The following ZNF804A variants were observed in gnomAD, a reference collection of about 807,000 sequenced individuals.
The protein encoded by ZNF804A is zinc finger protein 804A.
A neutral mutation model predicts 16.5 loss-of-function variants in ZNF804A; 2 were observed. That is an observed-to-expected ratio of 0.12 (90% CI 0.05 to 0.38). ZNF804A has a LOEUF of 0.38. ZNF804A is among the 10% of genes least tolerant of loss of function. The pLI, the probability that ZNF804A is intolerant of heterozygous loss-of-function variation, is 0.99. For synonymous variants in ZNF804A, 534 were observed against 489.6 expected, an observed-to-expected ratio of 1.09 and a Z score of -1.20; for missense variants, 1,473 against 1,390.7, an observed-to-expected ratio of 1.06 and a Z score of -0.94.
chr2:184,730,847 CTT>C (rs35119389), intron 1 of ZNF804A, among the ~76,000 whole-genome samples: 1 of 145,456 alleles, frequency 6.9e-6, no homozygotes. Context: ...CAATTTGCAG[CTT>C]TTTTTTTTTT....
At chr2:184,622,173 A>G (rs144752171) in intron 1 of ZNF804A, among the ~76,000 whole-genome samples, 9 of 151,954 alleles carry the variant, frequency 5.9e-5, no homozygotes, top group Non-Finnish European at 1.2e-4. Flanking sequence ...CGTCAAGTTC[A>G]TTGAAAGGGT....
intron 1 of ZNF804A, among the ~76,000 whole-genome samples, chr2:184,752,348 G>T (rs764547076): frequency 6.6e-6 from 1 of 151,526 alleles, no homozygotes; most frequent in Admixed American, 6.6e-5. Flanking sequence ...TGGAGCTGAA[G>T]GTCATTATCC....
intron 1 of ZNF804A, among the ~76,000 whole-genome samples, chr2:184,628,978 T>C (rs541130532): frequency 6.6e-6 from 1 of 152,284 alleles, no homozygotes; most frequent in African/African-American, 2.4e-5. Context: ...GATTATAATT[T>C]TTCCTTATAC....
At chr2:184,629,436 G>A (rs986069430) in intron 1 of ZNF804A, among the ~76,000 whole-genome samples, 1 of 151,908 alleles carries the variant, frequency 6.6e-6, no homozygotes, top group African/African-American at 2.4e-5. Flanking sequence ...GAAGAAGTAG[G>A]GAGAGTTTCT....
chr2:184,643,050 T>A (rs1302810733), intron 1 of ZNF804A, among the ~76,000 whole-genome samples: 1 of 152,086 alleles, frequency 6.6e-6, no homozygotes. Context: ...AAAATCTGGA[T>A]GAAAAATTGT....
chr2:184,885,526 T>C (rs187372030), intron 2 of ZNF804A, among the ~76,000 whole-genome samples: 56 of 152,272 alleles, frequency 3.7e-4, no homozygotes, highest in Non-Finnish European at 7.5e-4. Context: ...GATGAGATCA[T>C]GGTGTTTGCA....
chr2:184,653,666 C>T (rs975440252), intron 1 of ZNF804A, among the ~76,000 whole-genome samples: 2 of 152,164 alleles, frequency 1.3e-5, no homozygotes, highest in African/African-American at 4.8e-5. Context: ...GGGTGGGCTG[C>T]CCACATGCAT....
intron 1 of ZNF804A, among the ~76,000 whole-genome samples, chr2:184,811,577 G>A (rs905574390): frequency 1.1e-4 from 17 of 152,052 alleles, no homozygotes; most frequent in Non-Finnish European, 2.4e-4. Context: ...GCCAGGTGTG[G>A]TGTTGCACAC....
At chr2:184,687,734 G>T (rs761286682) in intron 1 of ZNF804A, among the ~76,000 whole-genome samples, 3 of 152,100 alleles carry the variant, frequency 2.0e-5, no homozygotes, top group Non-Finnish European at 4.4e-5. Flanking sequence ...TAGTACAACT[G>T]AATTATATAA....
chr2:184,919,556 T>C (rs1238620810), intron 2 of ZNF804A, among the ~76,000 whole-genome samples: 2 of 152,214 alleles, frequency 1.3e-5, no homozygotes, highest in Non-Finnish European at 2.9e-5. Flanking sequence ...TGAGCATTTA[T>C]GTGGGACACA....
chr2:184,685,994 G>T (rs1011791501), intron 1 of ZNF804A, among the ~76,000 whole-genome samples: 1 of 152,228 alleles, frequency 6.6e-6, no homozygotes, highest in Non-Finnish European at 1.5e-5. Flanking sequence ...GGCTGAGGTG[G>T]CAGGGGCTGG....
At chr2:184,719,879 G>T (rs116676375) in intron 1 of ZNF804A, among the ~76,000 whole-genome samples, 7,893 of 152,190 alleles carry the variant, frequency 0.052, 264 homozygotes, top group Non-Finnish European at 0.077. Context: ...TTACCCAGTT[G>T]CAAAGTCACT....
intron 1 of ZNF804A, among the ~76,000 whole-genome samples, chr2:184,739,604 C>A (rs958497360): frequency 1.3e-5 from 2 of 152,226 alleles, no homozygotes; most frequent in African/African-American, 2.4e-5. Context: ...GTTGGCCAGG[C>A]TCATCTCAAA....
At chr2:184,771,356 A>G (rs947064694) in intron 1 of ZNF804A, among the ~76,000 whole-genome samples, 1 of 152,050 alleles carries the variant, frequency 6.6e-6, no homozygotes. Flanking sequence ...TATTTAATAT[A>G]TCACAGTTTC....
chr2:184,938,835 T>TCAGTAGGAC lies in ZNF804A; in HGVS notation c.3450_3458dup (p.Val1151_Pro1153dup), dbSNP rs772362874. Reference sequence around the variant, plus strand: ...CACCAGAACCTCATTACCTCAGCTCTCAGTAGGACCAGTAGGACCGAGGCT... The same window carrying TCAGTAGGAC: ...CACCAGAACCTCATTACCTCAGCTCTCAGTAGGACCAGTAGGACCAGTAGGACCGAGGCT... On this transcript the variant is annotated inframe_insertion, in exon 4 of 4. Transcript: ENST00000302277. The TCAGTAGGAC allele has an allele frequency of 8.7e-6, 14 of 1,613,850 alleles. No individual in the cohort carries two copies. Among genetic ancestry groups the TCAGTAGGAC allele is most frequent in the Non-Finnish European group, 1.2e-5 (14 of 1,179,988 alleles).
intron 1 of ZNF804A, among the ~76,000 whole-genome samples, chr2:184,839,368 G>T (rs764501026): frequency 2.6e-5 from 4 of 151,920 alleles, no homozygotes; most frequent in African/African-American, 9.7e-5. Context: ...TTGGGGATTC[G>T]TATGCAATTT....
intron 1 of ZNF804A, among the ~76,000 whole-genome samples, chr2:184,626,157 C>T (rs1691494474): frequency 6.6e-6 from 1 of 152,030 alleles, no homozygotes; most frequent in South Asian, 2.1e-4. Flanking sequence ...CATGAGCCAC[C>T]GCGCCCGGCC....
At chr2:184,873,863 A>G (rs942514717) in intron 2 of ZNF804A, among the ~76,000 whole-genome samples, 6 of 152,186 alleles carry the variant, frequency 3.9e-5, no homozygotes, top group Non-Finnish European at 5.9e-5. Context: ...AAAATATTAC[A>G]CATCATTTTT....
At chr2:184,611,612 A>G (rs1209486642) in intron 1 of ZNF804A, among the ~76,000 whole-genome samples, 1 of 152,140 alleles carries the variant, frequency 6.6e-6, no homozygotes, top group Non-Finnish European at 1.5e-5. Flanking sequence ...TTCCCTTGCA[A>G]TGTCTTCTAG....
Sources: allele counts gnomAD v4.1 joint callset (sites outside exome capture counted in the v4.1 genomes callset), GRCh38; gene constraint gnomAD v4.1.1; transcripts MANE v1.5; gene names NCBI Gene and HGNC (gene_info 2026-07-23, HGNC 2026-07-21).